The following RUFY3 variants were observed in gnomAD, a reference collection of about 807,000 sequenced individuals.
RUFY3 encodes the protein protein RUFY3.
A neutral mutation model predicts 84.0 loss-of-function variants in RUFY3; 34 were observed. The observed-to-expected ratio is 0.40, with a 90% confidence interval of 0.31 to 0.54. RUFY3 has a LOEUF of 0.54. Among genes scored for constraint, RUFY3 ranks in the 20% least tolerant of loss-of-function variants. RUFY3 has a pLI of 0.39. For synonymous variants in RUFY3, 242 were observed against 252.9 expected (o/e 0.96, Z 0.41); for missense variants, 507 against 736.8 (o/e 0.69, Z 3.61).
At chr4:70,763,364 T>C (rs1358999912) in intron 2 of RUFY3, among the ~76,000 whole-genome samples, 188 bp from the exon 3 acceptor site, 1 of 152,150 alleles carries the variant, frequency 6.6e-6, no homozygotes, top group South Asian at 2.1e-4. Context: ...AAGGGCTGAG[T>C]CTTGGGAAGT....
intron 1 of RUFY3, among the ~76,000 whole-genome samples, chr4:70,725,447 C>G (rs1188735926): frequency 1.3e-5 from 2 of 152,000 alleles, no homozygotes; most frequent in Non-Finnish European, 2.9e-5. Flanking sequence ...TCTCCTGCCT[C>G]AGCCTCCCAA....
chr4:70,778,958 G>C (rs1324468085), intron 8 of RUFY3, among the ~76,000 whole-genome samples: 1 of 152,170 alleles, frequency 6.6e-6, no homozygotes, highest in Non-Finnish European at 1.5e-5. Context: ...CTGTGTAGGG[G>C]CATGTTGCCA....
chr4:70,767,513 A>G (rs535311514), intron 4 of RUFY3, among the ~76,000 whole-genome samples: 29 of 152,236 alleles, frequency 1.9e-4, no homozygotes, highest in Non-Finnish European at 3.5e-4. Flanking sequence ...TAAAACTGCT[A>G]TAAACACATG....
intron 1 of RUFY3, among the ~76,000 whole-genome samples, chr4:70,725,131 A>T (rs1388831419): frequency 6.6e-6 from 1 of 152,192 alleles, no homozygotes; most frequent in African/African-American, 2.4e-5. Flanking sequence ...GTACTCAGCA[A>T]TAGAGGCTCT....
chr4:70,738,843 G>T (rs539424633), intron 1 of RUFY3, among the ~76,000 whole-genome samples: 3 of 151,922 alleles, frequency 2.0e-5, no homozygotes, highest in East Asian at 3.9e-4. Context: ...CATGATCATA[G>T]CTTATTGCAG....
intron 1 of RUFY3, among the ~76,000 whole-genome samples, chr4:70,739,219 G>C (rs979427729): frequency 1.3e-5 from 2 of 151,788 alleles, no homozygotes; most frequent in African/African-American, 4.8e-5. Flanking sequence ...ATAATACTAT[G>C]GTTAGTTTAA....
intron 1 of RUFY3, among the ~76,000 whole-genome samples, chr4:70,742,411 C>G (rs753451010): frequency 6.6e-6 from 1 of 152,206 alleles, no homozygotes; most frequent in Non-Finnish European, 1.5e-5. Flanking sequence ...CACACATCCA[C>G]CACTCTGTCC....
Position 70,775,195 on chromosome 4 carries a change from C to T in RUFY3, c.786C>T (p.Asp262=). ...ACGGTCAGATTACTGCAATTCTGGA[C>T]CAGAAGAACTATGTAGAAGAACTGA... ...EGDGQITAIL[D]QKNYVEELNR... is the part of the protein sequence containing the mutation. The change falls in exon 7 of 18, where the codon GAC becomes GAT. Residue 262 remains aspartate (D), a synonymous_variant. Coordinates refer to ENST00000381006, the MANE Select transcript of RUFY3 (RefSeq NM_001037442.4). 6.3e-7 allele frequency: 1 copy of T among 1,596,172 alleles called. No individual in the cohort carries two copies. Among genetic ancestry groups the T allele is most frequent in the Non-Finnish European group, 8.6e-7 (1 of 1,168,536 alleles).
intron 4 of RUFY3, among the ~76,000 whole-genome samples, chr4:70,767,230 C>T (rs1726103830): frequency 7.0e-6 from 1 of 142,632 alleles, no homozygotes; most frequent in African/African-American, 2.6e-5. Context: ...GGATTACAGG[C>T]GTGTGCCACC....
intron 1 of RUFY3, among the ~76,000 whole-genome samples, chr4:70,746,514 A>T (rs1560486034): frequency 6.6e-6 from 1 of 151,890 alleles, no homozygotes; most frequent in Non-Finnish European, 1.5e-5. Context: ...CAAAAAAAAA[A>T]AAAAAAAAAA....
chr4:70,801,105 T>C (rs1459939102), intron 15 of RUFY3, among the ~76,000 whole-genome samples: 1 of 150,056 alleles, frequency 6.7e-6, no homozygotes, highest in Non-Finnish European at 1.5e-5. Context: ...TGCCACTGCA[T>C]TAAAAAGTGA....
chr4:70,767,259 AT>A (rs779388140), intron 4 of RUFY3, among the ~76,000 whole-genome samples: 871 of 49,670 alleles, frequency 0.018, 6 homozygotes, highest in African/African-American at 0.055. Flanking sequence ...CTAATTTTGT[AT>A]TTTTTTTTTT....
At chr4:70,800,505 A>G (rs1233864832) in intron 15 of RUFY3, among the ~76,000 whole-genome samples, 1 of 152,248 alleles carries the variant, frequency 6.6e-6, no homozygotes, top group Admixed American at 6.5e-5. Flanking sequence ...TTGGTATCCC[A>G]GGAAAATAAA....
Position 70,801,163 on chromosome 4 carries a change from CAAAAAAAA to C in RUFY3, c.1622+969_1622+976del, listed in dbSNP as rs561597683. Among the ~76,000 whole-genome samples, 153 of 64,302 alleles carry C rather than the reference CAAAAAAAA, an allele frequency of 2.4e-3. 1 individual carries two copies. Among genetic ancestry groups the C allele is most frequent in the African/African-American group, 7.8e-3 (151 of 19,288 alleles). The allele number at this position is 64,302 out of a possible 152,430, so 42.2% of individuals were successfully genotyped here. On this transcript the variant is annotated intron_variant, in intron 15 of 17. Coordinates refer to ENST00000381006, the MANE Select transcript of RUFY3 (RefSeq NM_001037442.4). Reference sequence around the variant, plus strand: ...TCTGGAAAAGACAAAACTATGGAGACAAAAAAAAAAAAAAAAAATCAGTGGTTGCCAGT... The same window carrying C: ...TCTGGAAAAGACAAAACTATGGAGACAAAAAAAAAATCAGTGGTTGCCAGT...
intron 12 of RUFY3, chr4:70,792,308 G>A (rs1370905981): frequency 1.0e-6 from 1 of 977,364 alleles, no homozygotes; most frequent in East Asian, 1.1e-4. Context: ...AAGGTTCTGG[G>A]AAGCTAATAA....
chr4:70,776,548 G>A (rs552951030), intron 7 of RUFY3, among the ~76,000 whole-genome samples: 42 of 152,332 alleles, frequency 2.8e-4, no homozygotes, highest in Non-Finnish European at 4.9e-4. Context: ...GCCGAGGCAG[G>A]CGGATCACAA....
At chr4:70,798,652 T>A (rs1230053356) in intron 14 of RUFY3, among the ~76,000 whole-genome samples, 1 of 152,000 alleles carries the variant, frequency 6.6e-6, no homozygotes, top group East Asian at 1.9e-4. Flanking sequence ...CCTTGCTGCG[T>A]GCACCTATAA....
In RUFY3 at chr4:70,762,498, CT is replaced by C; in HGVS notation, c.179-19del. 6.3e-7 allele frequency: 1 copy of C among 1,587,482 alleles called. No homozygotes were observed. Among genetic ancestry groups the C allele is most frequent in the Non-Finnish European group, 8.6e-7 (1 of 1,161,080 alleles). Reference sequence around the variant, plus strand: ...GCTATTTCTAGTAACCAGCCTTCATCTTCTTCCCCTTTGGCTGCAGATCCTA... The same window carrying C: ...GCTATTTCTAGTAACCAGCCTTCATCTCTTCCCCTTTGGCTGCAGATCCTA... On this transcript the variant is annotated intron_variant, in intron 1 of 17. Transcript: ENST00000381006.
At chr4:70,737,831 G>A (rs1438862064) in intron 1 of RUFY3, among the ~76,000 whole-genome samples, 1 of 151,126 alleles carries the variant, frequency 6.6e-6, no homozygotes, top group Non-Finnish European at 1.5e-5. Context: ...ACACCACCAC[G>A]CCTGGCTAAT....
Sources: allele counts gnomAD v4.1 joint callset (sites outside exome capture counted in the v4.1 genomes callset), GRCh38; gene constraint gnomAD v4.1.1; transcripts MANE v1.5; gene names NCBI Gene and HGNC (gene_info 2026-07-23, HGNC 2026-07-21).